Variants in SUMO2 observed in about 807,000 individuals in gnomAD.
SUMO2 encodes small ubiquitin-related modifier 2.
In SUMO2, 1 loss-of-function variant was observed where a neutral mutation model predicts 16.0. The ratio of observed to expected loss-of-function variants is 0.06; its 90% CI spans 0.02 to 0.30. The LOEUF (loss-of-function observed/expected upper bound fraction) is 0.30. Among genes scored for constraint, SUMO2 ranks in the 10% least tolerant of loss-of-function variants. The pLI is 1.00. For missense variants in SUMO2, 16 were observed against 117.5 expected (o/e 0.14, Z 3.99); for synonymous variants, 36 against 40.6 (o/e 0.89, Z 0.43).
At chr17:75,171,542 G>C (rs2074738749) in intron 3 of SUMO2, among the ~76,000 whole-genome samples, 1 of 151,810 alleles carries the variant, frequency 6.6e-6, no homozygotes, top group Non-Finnish European at 1.5e-5. Context: ...AAAAAGCTGG[G>C]GAGGCAGGAG....
chr17:75,168,529 C>T (rs1182454223), intron 3 of SUMO2, 128 bp from the exon 4 acceptor site: 5 of 744,666 alleles, frequency 6.7e-6, no homozygotes, highest in Non-Finnish European at 1.1e-5. Flanking sequence ...TTTTAGATGT[C>T]TCATAGCTTA....
In SUMO2 at chr17:75,171,514, G is replaced by A. The variant is rs568509533; in HGVS notation, c.226-3113C>T. On this transcript the variant is annotated intron_variant, in intron 3 of 3. Transcript: ENST00000420826. Reference sequence around the variant, plus strand: ...GGGAGACAGGGCAAAACTCCGTCTCGAAAAATAAAAAAATAAAAAAAAGCT... The same window carrying A: ...GGGAGACAGGGCAAAACTCCGTCTCAAAAAATAAAAAAATAAAAAAAAGCT... Among the ~76,000 whole-genome samples the A allele has an allele frequency of 6.0e-5, 9 of 151,236 alleles. No homozygotes were observed. The South Asian group carries it at 1.5e-3, about 25-fold the overall frequency.
At position 75,166,949 on chromosome 17, in the gene SUMO2, AAAT is replaced by A. The variant is rs1285269728; in HGVS notation, c.*1387_*1389del. ...AAGAAACCCTAAGAAACAAAAATTA[AAAT>A]AATAAAGACTGTAGTGACCTGTATA... On this transcript the variant is annotated 3_prime_UTR_variant, in exon 4 of 4. Transcript: ENST00000420826. 6.6e-6 allele frequency: 1 copy of A among 151,802 alleles called. No homozygotes were observed. The highest frequency in any genetic ancestry group is 1.5e-5 in the Non-Finnish European group (1 of 68,032). 9.4% of individuals were successfully genotyped at this position (151,802 alleles called of 1,614,324 possible).
At chr17:75,169,947 G>C (rs1397015146) in intron 3 of SUMO2, among the ~76,000 whole-genome samples, 1 of 151,748 alleles carries the variant, frequency 6.6e-6, no homozygotes, top group Non-Finnish European at 1.5e-5. Flanking sequence ...CTGAGGTCGG[G>C]AGTTCAAGAC....
chr17:75,182,957 G>T lies in SUMO2; in HGVS notation c.-123C>A, dbSNP rs1195433676. The T allele has an allele frequency of 1.2e-6, 1 of 834,644 alleles. No homozygotes were observed. The allele number at this position is 834,644 out of a possible 1,614,324, so 51.7% of individuals were successfully genotyped here. ...GAGGCGGCAGCGGTGGACGAGGGGA[G>T]AGGGTGCGCGCACGTCGTGCGCTCC... is the stretch of plus-strand genomic sequence containing the variant. On this transcript the variant is annotated 5_prime_UTR_variant, in exon 1 of 4. Transcript: ENST00000420826.
chr17:75,180,257 T>A (rs2074816251), intron 2 of SUMO2, among the ~76,000 whole-genome samples: 1 of 151,612 alleles, frequency 6.6e-6, no homozygotes, highest in Admixed American at 6.6e-5. Flanking sequence ...GAGGTTGCAG[T>A]GAGCCAAGAT....
In SUMO2 at chr17:75,177,988, CAAAAAA is replaced by C. The variant is rs59613076; in HGVS notation, c.153+3063_153+3068del. On this transcript the variant is annotated intron_variant, in intron 2 of 3. Transcript: ENST00000420826. ...TGACCGACAAAGCGAGACTCCGTCT[CAAAAAA>C]AAAAAAAAAAAAAAAAAGAATCGCC... Among the ~76,000 whole-genome samples the C allele has an allele frequency of 4.0e-3, 266 of 66,414 alleles. 2 individuals are homozygous for C. Among genetic ancestry groups the C allele is most frequent in the African/African-American group, 0.017 (245 of 14,800 alleles). 43.6% of individuals were successfully genotyped at this position (66,414 alleles called of 152,430 possible). A position where few individuals can be genotyped will look rare whatever the true frequency, so the allele number is the denominator to read the frequency against.
intron 2 of SUMO2, among the ~76,000 whole-genome samples, chr17:75,180,386 C>G (rs12941564): frequency 0.27 from 29,195 of 109,134 alleles, 4,617 homozygotes; most frequent in East Asian, 0.66. Context: ...AGTGAGACTC[C>G]CAGCTTAAAA....
At chr17:75,169,582 A>ACCGTGTTAG (rs1343221022) in intron 3 of SUMO2, among the ~76,000 whole-genome samples, 6 of 151,754 alleles carry the variant, frequency 4.0e-5, no homozygotes, top group Non-Finnish European at 8.8e-5. Context: ...ACGGGGTTTC[A>ACCGTGTTAG]CCGTGTTAGC....
intron 2 of SUMO2, among the ~76,000 whole-genome samples, chr17:75,179,922 G>A (rs913097650): frequency 6.6e-6 from 1 of 152,150 alleles, no homozygotes; most frequent in African/African-American, 2.4e-5. Context: ...TGGGATTACA[G>A]ATATGAGCCA....
chr17:75,173,112 G>C (rs192905394), intron 3 of SUMO2, among the ~76,000 whole-genome samples: 36 of 152,288 alleles, frequency 2.4e-4, no homozygotes, highest in African/African-American at 6.5e-4. Flanking sequence ...AAGTACATGG[G>C]ATCCAATTTA....
At chr17:75,179,515 G>A (rs1294325810) in intron 2 of SUMO2, among the ~76,000 whole-genome samples, 7 of 136,590 alleles carry the variant, frequency 5.1e-5, no homozygotes, top group Admixed American at 1.5e-4. Context: ...ACAACAGAGC[G>A]AGACTCTGTC....
At chr17:75,171,273 C>A (rs1197075890) in intron 3 of SUMO2, among the ~76,000 whole-genome samples, 1 of 151,594 alleles carries the variant, frequency 6.6e-6, no homozygotes, top group Non-Finnish European at 1.5e-5. Context: ...GGATTACAGG[C>A]ATGCGCCATC....
At chr17:75,180,210 A>G (rs2074815901) in intron 2 of SUMO2, among the ~76,000 whole-genome samples, 1 of 151,644 alleles carries the variant, frequency 6.6e-6, no homozygotes. Context: ...GGTACTCAGG[A>G]GGCTGAGGCA....
At chr17:75,172,726 C>T (rs547988952) in intron 3 of SUMO2, among the ~76,000 whole-genome samples, 85 of 151,872 alleles carry the variant, frequency 5.6e-4, no homozygotes, top group African/African-American at 2.0e-3. Context: ...CCGCCCACCT[C>T]GGCCTCCCAA....
At position 75,167,103 on chromosome 17, in the gene SUMO2, A is replaced by C. The variant is rs959883620; in HGVS notation, c.*1236T>G. On this transcript the variant is annotated 3_prime_UTR_variant, in exon 4 of 4. Transcript: ENST00000420826. ...GAGGCTGAGGCGGGTGGATCACCTA[A>C]GGTCAGGAGTTCGAGACCAGCCTGG... 1 of 149,178 alleles carries C rather than the reference A, an allele frequency of 6.7e-6. No homozygotes were observed. The highest frequency in any genetic ancestry group is 1.5e-5 in the Non-Finnish European group (1 of 67,536). 9.2% of individuals were successfully genotyped at this position (149,178 alleles called of 1,614,324 possible).
rs570435610 is a variant in SUMO2, at chr17:75,182,559, T to A, written c.21+255A>T. On this transcript the variant is annotated intron_variant, in intron 1 of 3. Coordinates refer to ENST00000420826, the MANE Select transcript of SUMO2 (RefSeq NM_006937.4). ...GGTGGGTCCGCGGGCGTCCGCTTTC[T>A]GCCCGCCCAACTCGCGCCCGGCGCG... The A allele has an allele frequency of 4.0e-3, 1,131 of 286,234 alleles. 1 individual carries two copies. Among genetic ancestry groups the A allele is most frequent in the Non-Finnish European group, 5.4e-3 (844 of 155,128 alleles). The allele number at this position is 286,234 out of a possible 1,614,324, so 17.7% of individuals were successfully genotyped here.
intron 3 of SUMO2, among the ~76,000 whole-genome samples, chr17:75,170,862 A>C (rs976439320): frequency 1.3e-5 from 2 of 151,914 alleles, no homozygotes; most frequent in African/African-American, 2.4e-5. Context: ...AAAAAAAAAA[A>C]AAAAAAACCC....
At chr17:75,174,714 C>T in intron 3 of SUMO2, 38 bp downstream of exon 3, 1 of 1,576,538 alleles carries the variant, frequency 6.3e-7, no homozygotes. Flanking sequence ...CAAAGAATTA[C>T]AAATGGTAAT....
Sources: gnomAD v4.1 joint callset for allele counts (sites outside exome capture counted in the v4.1 genomes callset) on GRCh38, gnomAD v4.1.1 for gene constraint, MANE v1.5 for transcripts, NCBI Gene and HGNC (gene_info 2026-07-23, HGNC 2026-07-21) for gene names.